The following NRP2 variants were observed in gnomAD, a reference collection of about 807,000 sequenced individuals.
NRP2 encodes neuropilin 2.
In NRP2, 52 loss-of-function variants were observed where a neutral mutation model predicts 110.4. The ratio of observed to expected loss-of-function variants is 0.47; its 90% CI spans 0.38 to 0.59. NRP2 has a LOEUF of 0.59. Among genes scored for constraint, NRP2 ranks in the 20% least tolerant of loss-of-function variants. The probability of loss-of-function intolerance (pLI) is 0.00; values close to 1 mark genes in which losing one functional copy is unlikely to be tolerated. For synonymous variants in NRP2, 508 were observed against 468.9 expected, an observed-to-expected ratio of 1.08 and a Z score of -1.08; for missense variants, 1,049 against 1,203.0, an observed-to-expected ratio of 0.87 and a Z score of 1.89.
intron 1 of NRP2, among the ~76,000 whole-genome samples, chr2:205,693,343 AG>A (rs1360203533): frequency 6.6e-6 from 1 of 152,092 alleles, no homozygotes; most frequent in African/African-American, 2.4e-5. Flanking sequence ...CCCCATTTAG[AG>A]GGTTTCAAAC....
intron 1 of NRP2, among the ~76,000 whole-genome samples, chr2:205,684,214 G>A (rs1468573058): frequency 5.3e-5 from 8 of 152,094 alleles, no homozygotes; most frequent in Non-Finnish European, 1.0e-4. Context: ...GGAGCGGCAA[G>A]GGGTATGCTC....
intron 2 of NRP2, among the ~76,000 whole-genome samples, chr2:205,711,155 A>G (rs989222709): frequency 4.6e-5 from 7 of 152,188 alleles, no homozygotes; most frequent in African/African-American, 1.4e-4. Flanking sequence ...TCTTCTCAAC[A>G]TGGAACACCA....
At chr2:205,685,592 G>C (rs904548224) in intron 1 of NRP2, among the ~76,000 whole-genome samples, 2 of 152,204 alleles carry the variant, frequency 1.3e-5, no homozygotes, top group Non-Finnish European at 2.9e-5. Flanking sequence ...CTGGCGCGTG[G>C]CTGGGAGGCC....
At position 205,763,803 on chromosome 2, in the gene NRP2, G is replaced by A. The variant is rs755693536; in HGVS notation, c.2174G>A (p.Gly725Asp). 1.4e-5 allele frequency: 23 copies of A among 1,614,016 alleles called. No homozygotes were observed. The Middle Eastern group carries it at 6.6e-4, about 46-fold the overall frequency. ...GAGTTCCAGTACCAGGCCACGGGCG[G>A]CCGCGGGGTGGCGCTGCAGGTGGTG... The part of the protein sequence containing the change: ...CMEFQYQATG[G>D]RGVALQVVRE... Residue 725 changes from glycine (G) to aspartate (D), a missense_variant, in exon 13 of 17, where the codon GGC becomes GAC. Physicochemically the swap from Gly to Asp is moderately conservative, Grantham distance 94. Coordinates refer to ENST00000357785, the MANE Select transcript of NRP2 (RefSeq NM_003872.3). This position sits in a 1 kb window ranked among gnomAD's most constrained non-coding sequence, Gnocchi z 4.0.
At position 205,704,658 on chromosome 2, in the gene NRP2, C is replaced by T. The variant is rs183774322; in HGVS notation, c.251+6937C>T. On this transcript the variant is annotated intron_variant, in intron 2 of 16. Transcript: ENST00000357785. ...TGTTCTCCTCTTACCAAGGTTAAAA[C>T]GCAGCTGGAATTACTTTGGGCAGTT... Among the ~76,000 whole-genome samples, 152 of 152,324 alleles carry T rather than the reference C, an allele frequency of 1.0e-3. 1 individual carries two copies. The highest frequency in any genetic ancestry group is 2.4e-3 in the Admixed American group (36 of 15,308).
intron 4 of NRP2, 137 bp from the exon 5 acceptor site, chr2:205,723,648 C>A (rs1265620335): frequency 2.3e-6 from 2 of 867,274 alleles, no homozygotes; most frequent in Middle Eastern, 2.3e-4. Context: ...GTTCTTGAAA[C>A]ATATCTTTGG....
chr2:205,776,661 G>A, intron 15 of NRP2: 1 of 1,560,816 alleles, frequency 6.4e-7, no homozygotes, highest in Non-Finnish European at 8.6e-7. Context: ...CCAACCCTGA[G>A]CACTCTTATC....
rs2058338858 is a variant in NRP2, at chr2:205,794,923, G to C, written c.2646G>C (p.Leu882=). Residue 882 remains leucine, a synonymous_variant, in exon 17 of 17, where the codon CTG becomes CTC. Transcript: ENST00000357785. ...TGGGGGCCACCTGTGCAGGCCTCCT[G>C]CTCTACTGCACCTGTTCCTACTCGG... The part of the protein sequence containing the change: ...VLLGATCAGL[L]LYCTCSYSGL... 1 of 1,614,152 alleles carries C rather than the reference G, an allele frequency of 6.2e-7. No individual in the cohort carries two copies. The highest frequency in any genetic ancestry group is 1.3e-5 in the African/African-American group (1 of 75,024).
Position 205,710,642 on chromosome 2 carries a change from C to A in NRP2, c.252-5551C>A, listed in dbSNP as rs1386975700. On this transcript the variant is annotated intron_variant, in intron 2 of 16. Coordinates refer to ENST00000357785, the MANE Select transcript of NRP2 (RefSeq NM_003872.3). ...CAGGTGGCCTGGCTTCAGGCCTGAACCGACCAGAGACCTCAGCATTGTGCA... is the reference window on the plus strand; with the variant it reads ...CAGGTGGCCTGGCTTCAGGCCTGAAACGACCAGAGACCTCAGCATTGTGCA... 2.0e-5 allele frequency among the ~76,000 whole-genome samples: 3 copies of A among 152,238 alleles called. No individual in the cohort carries two copies. The East Asian group carries it at 5.8e-4, about 29-fold the overall frequency.
intron 2 of NRP2, among the ~76,000 whole-genome samples, chr2:205,711,909 T>G (rs533961407): frequency 6.6e-6 from 1 of 152,284 alleles, no homozygotes; most frequent in Non-Finnish European, 1.5e-5. Flanking sequence ...TGCTGGGAAG[T>G]GTCAAGCGTG....
At chr2:205,776,631 G>A (rs2058105663) in intron 15 of NRP2, 2 of 1,590,408 alleles carry the variant, frequency 1.3e-6, no homozygotes, top group East Asian at 4.5e-5. Flanking sequence ...TGAACTCTCA[G>A]ACATCTCTTT....
Position 205,688,784 on chromosome 2 carries a change from T to C in NRP2, c.73+5421T>C, listed in dbSNP as rs144277690. Among the ~76,000 whole-genome samples, 3 of 152,188 alleles carry C rather than the reference T, an allele frequency of 2.0e-5. No homozygotes were observed. The East Asian group carries it at 5.8e-4, about 29-fold the overall frequency. On this transcript the variant is annotated intron_variant, in intron 1 of 16. Transcript: ENST00000357785. ...CCAGTAGAACAATAACAATGTGGCA[T>C]TTAGGATAGAGAAGAGTAGGATTGA...
intron 2 of NRP2, 153 bp downstream of exon 2, chr2:205,697,874 T>G: frequency 1.3e-6 from 1 of 789,042 alleles, no homozygotes; most frequent in Non-Finnish European, 2.2e-6. Flanking sequence ...TCAAGGGGCA[T>G]TCCCTTTCCA....
chr2:205,716,479 AGCTTGAGCATGGT>A, intron 3 of NRP2, 105 bp downstream of exon 3: 1 of 1,157,818 alleles, frequency 8.6e-7, no homozygotes, highest in South Asian at 1.2e-5. Context: ...AGTGTCATCC[AGCTTGAGCATGGT>A]GAGAGGTTCA....
Position 205,795,121 on chromosome 2 carries a change from T to C in NRP2, c.*63T>C. On this transcript the variant is annotated 3_prime_UTR_variant, in exon 17 of 17. Coordinates refer to ENST00000357785, the MANE Select transcript of NRP2 (RefSeq NM_003872.3). ...GCAAGAGGGGCTGGGGAAGATTACA[T>C]TTTTTTTTCCTTTGGAAACTGAATG... The C allele has an allele frequency of 7.0e-7, 1 of 1,433,874 alleles. No individual in the cohort carries two copies. The highest frequency in any genetic ancestry group is 1.4e-5 in the African/African-American group (1 of 70,964). 88.8% of individuals were successfully genotyped at this position (1,433,874 alleles called of 1,614,324 possible).
At position 205,763,452 on chromosome 2, in the gene NRP2, G is replaced by A. The variant is rs996646965; in HGVS notation, c.2045-222G>A. Among the ~76,000 whole-genome samples the A allele has an allele frequency of 1.3e-5, 2 of 152,126 alleles. No homozygotes were observed. Among genetic ancestry groups the A allele is most frequent in the Non-Finnish European group, 2.9e-5 (2 of 68,030 alleles). ...GGAAATGATACCGAGAAATAGGCAG[G>A]AGGGACCGATTTGACTTAGAGACTC... On this transcript the variant is annotated intron_variant, in intron 12 of 16. Transcript: ENST00000357785. The surrounding 1 kb of genome is among the most constrained non-coding windows in gnomAD (Gnocchi z 4.0).
chr2:205,776,750 C>G, intron 15 of NRP2: 1 of 1,454,850 alleles, frequency 6.9e-7, no homozygotes, highest in Non-Finnish European at 9.0e-7. Flanking sequence ...ACCAACAAAC[C>G]CAACTCTAAT....
chr2:205,752,504 G>T, intron 11 of NRP2: 1 of 357,238 alleles, frequency 2.8e-6, no homozygotes, highest in South Asian at 2.4e-5. Context: ...TTCTTCTCTG[G>T]CATTTAGGGA....
At chr2:205,786,968 G>A (rs2058242931) in intron 15 of NRP2, among the ~76,000 whole-genome samples, 1 of 152,166 alleles carries the variant, frequency 6.6e-6, no homozygotes, top group Non-Finnish European at 1.5e-5. Context: ...GAATGGGGCA[G>A]TGAGCATCAT....
Sources: gnomAD v4.1 joint callset for allele counts (sites outside exome capture counted in the v4.1 genomes callset) on GRCh38, gnomAD v4.1.1 for gene constraint, Gnocchi (gnomAD v3.1) non-coding constraint, MANE v1.5 for transcripts, NCBI Gene and HGNC (gene_info 2026-07-23, HGNC 2026-07-21) for gene names.